Variants in RAB3GAP1 observed in about 807,000 individuals in gnomAD.
The protein encoded by RAB3GAP1 is rab3 GTPase-activating protein catalytic subunit.
Under a neutral mutation model 130.7 loss-of-function variants are expected in RAB3GAP1, and 86 were observed. The ratio of observed to expected loss-of-function variants is 0.66; its 90% CI spans 0.55 to 0.79. RAB3GAP1 has a LOEUF of 0.79. Ranked by LOEUF, RAB3GAP1 falls within the 30% of genes least tolerant of loss-of-function variation. The probability of loss-of-function intolerance (pLI) is 0.00; values close to 1 mark genes in which losing one functional copy is unlikely to be tolerated. For missense variants in RAB3GAP1, 1,029 were observed against 1,169.4 expected (o/e 0.88, Z 1.75); for synonymous variants, 367 against 401.7 (o/e 0.91, Z 1.03).
intron 5 of RAB3GAP1, among the ~76,000 whole-genome samples, chr2:135,097,782 T>G (rs2104886119): frequency 6.6e-6 from 1 of 152,302 alleles, no homozygotes; most frequent in African/African-American, 2.4e-5. Context: ...TATTCAGTCA[T>G]TTGTTGAGGG....
rs1692748911 is a variant in RAB3GAP1 at position 135,168,830 on chromosome 2, C to T, written c.*49C>T. 3 of 1,517,240 alleles carry T rather than the reference C, an allele frequency of 2.0e-6. No individual in the cohort carries two copies. Among genetic ancestry groups the T allele is most frequent in the East Asian group, 2.3e-5 (1 of 44,420 alleles). 94.0% of individuals were successfully genotyped at this position (1,517,240 alleles called of 1,614,324 possible). ...GGCTTCAGAGACAGTGCTGCCTCCTCCTGAGGGAGGGAAGGTACCAGGGAG... is the reference window on the plus strand; with the variant it reads ...GGCTTCAGAGACAGTGCTGCCTCCTTCTGAGGGAGGGAAGGTACCAGGGAG... On this transcript the variant is annotated 3_prime_UTR_variant, in exon 24 of 24. Coordinates refer to ENST00000264158, the MANE Select transcript of RAB3GAP1 (RefSeq NM_012233.3).
At chr2:135,135,457 A>T (rs887608254) in intron 16 of RAB3GAP1, 107 bp from the exon 17 acceptor site, 2 of 1,457,854 alleles carry the variant, frequency 1.4e-6, no homozygotes, top group African/African-American at 1.4e-5. Context: ...ACTGCAATTC[A>T]CAAGGTCCTG....
Position 135,163,022 on chromosome 2 carries a change from A to G in RAB3GAP1, c.2527A>G (p.Ile843Val). The G allele has an allele frequency of 6.2e-7, 1 of 1,613,912 alleles. No homozygotes were observed. Residue 843 changes from isoleucine to valine, a missense_variant, in exon 22 of 24, where the codon ATT (isoleucine) becomes GTT (valine). Around this residue, in one of 3 missense-constraint regions of RAB3GAP1, gnomAD observed 373 missense variants for 493.6 expected, o/e 0.76. Transcript: ENST00000264158. The part of the protein sequence containing the change: ...IHQITNVEAL[I>V]ARARSLKAKF... ...CCAGATTACTAATGTGGAAGCTCTCATTGCCAGAGCTCGGTCACTAAAAGC... is the reference window on the plus strand; with the variant it reads ...CCAGATTACTAATGTGGAAGCTCTCGTTGCCAGAGCTCGGTCACTAAAAGC...
chr2:135,147,757 C>T (rs1212509444), intron 17 of RAB3GAP1, among the ~76,000 whole-genome samples: 3 of 151,822 alleles, frequency 2.0e-5, no homozygotes, highest in African/African-American at 7.3e-5. Flanking sequence ...GAATTATTGG[C>T]GCCCACGACC....
intron 13 of RAB3GAP1, among the ~76,000 whole-genome samples, chr2:135,132,173 A>G (rs1263286089): frequency 6.6e-6 from 1 of 152,260 alleles, no homozygotes; most frequent in African/African-American, 2.4e-5. Flanking sequence ...AAGAGGGATT[A>G]CTAATCAGCA....
At chr2:135,080,960 G>A (rs879702634) in intron 3 of RAB3GAP1, among the ~76,000 whole-genome samples, 4 of 152,104 alleles carry the variant, frequency 2.6e-5, no homozygotes, top group African/African-American at 4.8e-5. Context: ...AGATGACTGC[G>A]TTGTTTTTGT....
chr2:135,122,431 T>C (rs1296805982), intron 8 of RAB3GAP1, among the ~76,000 whole-genome samples: 1 of 152,182 alleles, frequency 6.6e-6, no homozygotes, highest in Non-Finnish European at 1.5e-5. Flanking sequence ...CCTAAGGTAG[T>C]GTGGTCTGCT....
At chr2:135,059,252 T>C (rs1184169221) in intron 3 of RAB3GAP1, among the ~76,000 whole-genome samples, 1 of 152,124 alleles carries the variant, frequency 6.6e-6, no homozygotes, top group Non-Finnish European at 1.5e-5. Flanking sequence ...TTGATATAGA[T>C]GCCAATAAGA....
At chr2:135,114,201 A>G (rs1225211226) in intron 6 of RAB3GAP1, among the ~76,000 whole-genome samples, 2 of 152,178 alleles carry the variant, frequency 1.3e-5, no homozygotes, top group Admixed American at 6.5e-5. Context: ...AAACAATTCA[A>G]TGTATATCTG....
chr2:135,167,852 T>A (rs1692703168), intron 23 of RAB3GAP1: 4 of 635,480 alleles, frequency 6.3e-6, no homozygotes, highest in Non-Finnish European at 9.7e-6. Context: ...GCAACATGAT[T>A]TCATGTTTCC....
chr2:135,100,853 T>G (rs1437280238), intron 5 of RAB3GAP1, among the ~76,000 whole-genome samples: 1 of 152,192 alleles, frequency 6.6e-6, no homozygotes, highest in Non-Finnish European at 1.5e-5. Context: ...AACACAAGTT[T>G]GATGGAAACT....
chr2:135,096,353 A>T (rs1690290290), intron 5 of RAB3GAP1, among the ~76,000 whole-genome samples: 1 of 152,194 alleles, frequency 6.6e-6, no homozygotes, highest in African/African-American at 2.4e-5. Context: ...TCTTCATTTC[A>T]TATAGCAAAT....
Position 135,065,767 on chromosome 2 carries a change from A to ATT in RAB3GAP1, c.150+7702_150+7703dup, listed in dbSNP as rs1201634667. Among the ~76,000 whole-genome samples, 508 of 123,884 alleles carry ATT rather than the reference A, an allele frequency of 4.1e-3. 4 individuals carry two copies. Among genetic ancestry groups the ATT allele is most frequent in the African/African-American group, 9.8e-3 (289 of 29,538 alleles). 81.3% of individuals were successfully genotyped at this position (123,884 alleles called of 152,430 possible). A position where few individuals can be genotyped will look rare whatever the true frequency, so the allele number is the denominator to read the frequency against. On this transcript the variant is annotated intron_variant, in intron 3 of 23. Transcript: ENST00000264158. ...AATTTCTAATACGGGATCTTCACTA[A>ATT]TTTTTTTTTTTTTTTTTTTTTTGAG... is the stretch of plus-strand genomic sequence containing the variant.
intron 17 of RAB3GAP1, among the ~76,000 whole-genome samples, chr2:135,147,591 A>C (rs1673468018): frequency 6.6e-6 from 1 of 151,216 alleles, no homozygotes; most frequent in South Asian, 2.1e-4. Context: ...TTCTCCTTCC[A>C]GATTTTAATT....
intron 4 of RAB3GAP1, among the ~76,000 whole-genome samples, chr2:135,092,817 T>C (rs547056245): frequency 3.9e-5 from 6 of 152,336 alleles, no homozygotes; most frequent in African/African-American, 1.2e-4. Flanking sequence ...AATTTGATTG[T>C]GATTGAGCCT....
At chr2:135,073,833 CA>C (rs1689545994) in intron 3 of RAB3GAP1, among the ~76,000 whole-genome samples, 1 of 152,106 alleles carries the variant, frequency 6.6e-6, no homozygotes, top group Non-Finnish European at 1.5e-5. Flanking sequence ...AAATGCAACC[CA>C]GGGGTGAGTC....
intron 5 of RAB3GAP1, among the ~76,000 whole-genome samples, chr2:135,094,349 A>G (rs1423250543): frequency 2.0e-5 from 3 of 151,966 alleles, no homozygotes; most frequent in Admixed American, 6.6e-5. Context: ...CTTTTTTTCA[A>G]AAGAAATGAT....
intron 8 of RAB3GAP1, among the ~76,000 whole-genome samples, chr2:135,122,268 G>T (rs955505485): frequency 6.6e-6 from 1 of 152,104 alleles, no homozygotes; most frequent in South Asian, 2.1e-4. Flanking sequence ...TATATCAGAA[G>T]AAACACTCAA....
chr2:135,156,679 T>C (rs1407721535), intron 19 of RAB3GAP1, among the ~76,000 whole-genome samples: 1 of 152,164 alleles, frequency 6.6e-6, no homozygotes, highest in Non-Finnish European at 1.5e-5. Context: ...AAACACAGCA[T>C]CTTAATTTGG....
Sources: gnomAD v4.1 joint callset for allele counts (sites outside exome capture counted in the v4.1 genomes callset) on GRCh38, gnomAD v4.1.1 for gene constraint, gnomAD v4.1.1 regional missense constraint, MANE v1.5 for transcripts, NCBI Gene and HGNC (gene_info 2026-07-23, HGNC 2026-07-21) for gene names.